Variants in GOLM2 observed in about 807,000 individuals in gnomAD.
GOLM2 encodes the protein protein GOLM2.
In GOLM2, 26 loss-of-function variants were observed where a neutral mutation model predicts 55.9. The observed-to-expected ratio is 0.47, with a 90% CI of 0.34 to 0.65. The LOEUF is 0.65. Ranked by LOEUF, GOLM2 falls within the 30% of genes least tolerant of loss-of-function variation. GOLM2 has a pLI of 0.01. For synonymous variants in GOLM2, 165 were observed against 194.6 expected (o/e 0.85, Z 1.27); for missense variants, 486 against 531.8 (o/e 0.91, Z 0.85).
Position 44,289,309 on chromosome 15 carries a change from C to G in GOLM2, c.280C>G (p.Arg94Gly). 1 of 1,613,690 alleles carries G rather than the reference C, an allele frequency of 6.2e-7. No individual in the cohort carries two copies. Among genetic ancestry groups the G allele is most frequent in the Non-Finnish European group, 8.5e-7 (1 of 1,179,866 alleles). Residue 94 changes from arginine (R) to glycine (G), a missense_variant, in exon 1 of 10, where the codon CGG becomes GGG. Coordinates refer to ENST00000299957, the MANE Select transcript of GOLM2 (RefSeq NM_138423.4). This position sits in a 1 kb window ranked among gnomAD's most constrained non-coding sequence, Gnocchi z 4.8. ...GGCCGACTACGGCCGCCTCAGCAGC[C>G]GGCTGCAGGCCAGAGAGGGCCTCGG... ...KEADYGRLSS[R>G]LQAREGLGKR...
chr15:44,366,817 A>T (rs889168361), intron 6 of GOLM2, among the ~76,000 whole-genome samples: 2 of 152,122 alleles, frequency 1.3e-5, no homozygotes, highest in Non-Finnish European at 2.9e-5. Context: ...CACTATAATC[A>T]TGCTACCCGT....
intron 3 of GOLM2, 60 bp from the exon 4 acceptor site, chr15:44,331,928 G>A (rs2079024630): frequency 1.6e-6 from 2 of 1,213,014 alleles, no homozygotes; most frequent in South Asian, 1.3e-5. Context: ...TCAACTTCTG[G>A]ACAACTTTGA....
chr15:44,368,120 T>G (rs2141181444), intron 6 of GOLM2, among the ~76,000 whole-genome samples: 1 of 151,974 alleles, frequency 6.6e-6, no homozygotes, highest in African/African-American at 2.4e-5. Flanking sequence ...GGACTCAAGT[T>G]TCATACATTT....
chr15:44,412,708 A>G (rs976650140), intron 9 of GOLM2, among the ~76,000 whole-genome samples: 1 of 152,156 alleles, frequency 6.6e-6, no homozygotes, highest in African/African-American at 2.4e-5. Context: ...TCTATATAGA[A>G]ATAATATATT....
chr15:44,350,371 A>G (rs1448102608), intron 6 of GOLM2, among the ~76,000 whole-genome samples: 1 of 152,204 alleles, frequency 6.6e-6, no homozygotes, highest in East Asian at 1.9e-4. Flanking sequence ...TGGAAAACCT[A>G]GAAGAAAGGG....
At chr15:44,303,063 A>G (rs1472413151) in intron 1 of GOLM2, among the ~76,000 whole-genome samples, 1 of 151,946 alleles carries the variant, frequency 6.6e-6, no homozygotes, top group Non-Finnish European at 1.5e-5. Flanking sequence ...AGATCGCGCC[A>G]CTGCACTCTA....
Position 44,295,580 on chromosome 15 carries a change from A to G in GOLM2, c.327+6224A>G, listed in dbSNP as rs1388509217. On this transcript the variant is annotated intron_variant, in intron 1 of 9. Transcript: ENST00000299957. ...CCACAGACTAGGTGGCTTAAACAGC[A>G]GAAATTTATTTTCTCACATTTTTGA... Among the ~76,000 whole-genome samples, 3 of 152,196 alleles carry G rather than the reference A, an allele frequency of 2.0e-5. No individual in the cohort carries two copies. In the East Asian group the frequency reaches 5.8e-4, roughly 29 times the overall value.
At chr15:44,344,814 G>A (rs1046893989) in intron 6 of GOLM2, among the ~76,000 whole-genome samples, 2 of 139,938 alleles carry the variant, frequency 1.4e-5, no homozygotes, top group African/African-American at 5.4e-5. Flanking sequence ...GTCTCGTTCT[G>A]TCGCCCAGGC....
chr15:44,369,184 A>G (rs2141183526), intron 6 of GOLM2, among the ~76,000 whole-genome samples: 1 of 118,490 alleles, frequency 8.4e-6, no homozygotes, highest in East Asian at 2.5e-4. Flanking sequence ...CATTTTAGAT[A>G]TGTGTGTGTA....
chr15:44,353,904 T>C (rs2079180948), intron 6 of GOLM2, among the ~76,000 whole-genome samples: 2 of 152,148 alleles, frequency 1.3e-5, no homozygotes. Flanking sequence ...AGTTTAATTC[T>C]ATGTTTTTAA....
intron 6 of GOLM2, among the ~76,000 whole-genome samples, chr15:44,343,881 A>G (rs186517406): frequency 6.6e-6 from 1 of 152,064 alleles, no homozygotes; most frequent in African/African-American, 2.4e-5. Context: ...GGACTGTTAT[A>G]TATACTGACA....
At chr15:44,344,034 A>T (rs1047893556) in intron 6 of GOLM2, among the ~76,000 whole-genome samples, 40 of 151,254 alleles carry the variant, frequency 2.6e-4, no homozygotes, top group Non-Finnish European at 4.7e-4. Context: ...CTGAGGCGGG[A>T]GGGTCGCTTG....
At chr15:44,388,185 A>G (rs2141200418) in intron 8 of GOLM2, among the ~76,000 whole-genome samples, 1 of 149,856 alleles carries the variant, frequency 6.7e-6, no homozygotes, top group South Asian at 2.1e-4. Flanking sequence ...CTGAGGCACA[A>G]TAATCTTGAA....
At position 44,413,455 on chromosome 15, in the gene GOLM2, AT is replaced by A. The variant is rs1374902573; in HGVS notation, c.*51del. On this transcript the variant is annotated 3_prime_UTR_variant, in exon 10 of 10. Coordinates refer to ENST00000299957, the MANE Select transcript of GOLM2 (RefSeq NM_138423.4). ...ACCTAAAGTGCTGTAAAATGAAATC[AT>A]TCTACTTTGTCCTTTCTGACTTTTG... 7.5e-7 allele frequency: 1 copy of A among 1,335,680 alleles called. No individual in the cohort carries two copies. Among genetic ancestry groups the A allele is most frequent in the South Asian group, 1.2e-5 (1 of 81,814 alleles). 82.7% of individuals were successfully genotyped at this position (1,335,680 alleles called of 1,614,324 possible). A position where few individuals can be genotyped will look rare whatever the true frequency, so the allele number is the denominator to read the frequency against.
intron 6 of GOLM2, among the ~76,000 whole-genome samples, chr15:44,347,232 CA>C (rs1444309032): frequency 2.0e-5 from 3 of 152,198 alleles, no homozygotes; most frequent in Admixed American, 6.5e-5. Context: ...CAACTGTCTA[CA>C]CAGAAAAGTA....
chr15:44,310,502 CCACA>C (rs34821071), intron 1 of GOLM2, among the ~76,000 whole-genome samples: 245 of 124,680 alleles, frequency 2.0e-3, no homozygotes, highest in Admixed American at 4.2e-3. Context: ...ACACACACAC[CCACA>C]CACACACACA....
At chr15:44,348,073 C>A (rs1211421062) in intron 6 of GOLM2, among the ~76,000 whole-genome samples, 1 of 151,442 alleles carries the variant, frequency 6.6e-6, no homozygotes, top group Non-Finnish European at 1.5e-5. Context: ...ATAGGAGATG[C>A]CATGGCCTTG....
chr15:44,290,078 T>C (rs1301330986), intron 1 of GOLM2, among the ~76,000 whole-genome samples: 3 of 152,170 alleles, frequency 2.0e-5, no homozygotes, highest in Admixed American at 2.0e-4. Flanking sequence ...TGAAAGAAAA[T>C]AGAATGAAAT....
intron 1 of GOLM2, among the ~76,000 whole-genome samples, chr15:44,322,654 C>T (rs2078958918): frequency 6.6e-6 from 1 of 152,112 alleles, no homozygotes; most frequent in Admixed American, 6.5e-5. Flanking sequence ...TTCTTATGTA[C>T]TGGCTCCTAG....
Sources: allele counts gnomAD v4.1 joint callset (sites outside exome capture counted in the v4.1 genomes callset), GRCh38; gene constraint gnomAD v4.1.1; non-coding constraint Gnocchi (gnomAD v3.1); transcripts MANE v1.5; gene names NCBI Gene and HGNC (gene_info 2026-07-23, HGNC 2026-07-21).